SNTG1: variants seen among roughly 807,000 people sequenced by gnomAD.
SNTG1 encodes syntrophin gamma 1.
Under a neutral mutation model 74.7 loss-of-function variants are expected in SNTG1, and 39 were observed. The ratio of observed to expected loss-of-function variants is 0.52; its 90% CI spans 0.40 to 0.68. The LOEUF is 0.68. SNTG1 is among the 30% of genes least tolerant of loss of function. The pLI is 0.00. For synonymous variants in SNTG1, 254 were observed against 217.1 expected (o/e 1.17, Z -1.49); for missense variants, 685 against 609.5 (o/e 1.12, Z -1.30).
In SNTG1 at chr8:50,792,862, C is replaced by G; in HGVS notation, c.*33C>G. 4 of 1,580,766 alleles carry G rather than the reference C, an allele frequency of 2.5e-6. No homozygotes were observed. The highest frequency in any genetic ancestry group is 3.4e-6 in the Non-Finnish European group (4 of 1,162,344). On this transcript the variant is annotated 3_prime_UTR_variant, in exon 19 of 19. Coordinates refer to ENST00000642720, the MANE Select transcript of SNTG1 (RefSeq NM_018967.5). ...AACTCTTCATTGACACACCCCATGA[C>G]TGTATAAGCAGGACACATTTACTCA...
At chr8:50,562,266 G>T (rs1563579222) in intron 12 of SNTG1, among the ~76,000 whole-genome samples, 2 of 152,184 alleles carry the variant, frequency 1.3e-5, no homozygotes, top group African/African-American at 4.8e-5. Flanking sequence ...GAGAATTAAG[G>T]TTACAGATAC....
intron 2 of SNTG1, among the ~76,000 whole-genome samples, chr8:50,254,257 A>G (rs750308447): frequency 9.9e-5 from 15 of 152,230 alleles, no homozygotes; most frequent in Non-Finnish European, 1.9e-4. Flanking sequence ...CTCAAAGACT[A>G]TATTCTCGAT....
At chr8:50,684,739 T>TG (rs2095345032) in intron 15 of SNTG1, among the ~76,000 whole-genome samples, 2 of 141,200 alleles carry the variant, frequency 1.4e-5, no homozygotes, top group African/African-American at 5.2e-5. Context: ...GTTTTTTTTT[T>TG]CTTTTTTTTT....
chr8:50,482,665 G>A (rs753063894), intron 8 of SNTG1, among the ~76,000 whole-genome samples: 2 of 151,960 alleles, frequency 1.3e-5, no homozygotes, highest in African/African-American at 4.8e-5. Context: ...TGAATTCCCC[G>A]TTTCTACACC....
At chr8:50,217,493 G>C (rs2084849828) in intron 2 of SNTG1, among the ~76,000 whole-genome samples, 2 of 152,146 alleles carry the variant, frequency 1.3e-5, no homozygotes, top group East Asian at 3.9e-4. Context: ...GTCATGTAAT[G>C]TTCTTACCTT....
intron 11 of SNTG1, among the ~76,000 whole-genome samples, chr8:50,542,862 T>G (rs1236134580): frequency 1.3e-5 from 2 of 152,224 alleles, no homozygotes; most frequent in Non-Finnish European, 2.9e-5. Context: ...CAATTTTTCA[T>G]ATACCTGTTG....
intron 12 of SNTG1, among the ~76,000 whole-genome samples, chr8:50,581,499 T>C (rs1046931095): frequency 8.5e-5 from 13 of 152,198 alleles, no homozygotes; most frequent in Non-Finnish European, 1.3e-4. Context: ...TATTGTAATA[T>C]AAGAACTTCC....
At chr8:50,782,856 T>C (rs1304887489) in intron 18 of SNTG1, among the ~76,000 whole-genome samples, 2 of 152,270 alleles carry the variant, frequency 1.3e-5, no homozygotes, top group East Asian at 3.9e-4. Context: ...TGGTCTTTGA[T>C]GATGGTGATG....
chr8:50,770,140 C>T (rs972261462), intron 18 of SNTG1, among the ~76,000 whole-genome samples: 8 of 152,036 alleles, frequency 5.3e-5, no homozygotes, highest in African/African-American at 1.9e-4. Context: ...TACTTATGGA[C>T]CATAAACATT....
Position 50,749,786 on chromosome 8 carries a change from G to A in SNTG1, c.1285-2215G>A, listed in dbSNP as rs560883177. Reference sequence around the variant, plus strand: ...GTCCACTATTGACACCCACTGCTTCGAAAAAACAATTCCTTTCAAAATAAT... The same window carrying A: ...GTCCACTATTGACACCCACTGCTTCAAAAAAACAATTCCTTTCAAAATAAT... On this transcript the variant is annotated intron_variant, in intron 17 of 18. Transcript: ENST00000642720. Among the ~76,000 whole-genome samples the A allele has an allele frequency of 3.6e-4, 55 of 151,946 alleles. No individual in the cohort carries two copies. In the South Asian group the frequency reaches 0.01, roughly 29 times the overall value.
chr8:50,491,064 G>A (rs947521480), intron 8 of SNTG1: 2 of 152,916 alleles, frequency 1.3e-5, no homozygotes, highest in Non-Finnish European at 2.9e-5. Context: ...CGACCTCACA[G>A]ATGGAACAGC....
intron 12 of SNTG1, among the ~76,000 whole-genome samples, chr8:50,568,232 TG>T (rs1443211013): frequency 1.3e-5 from 2 of 151,944 alleles, no homozygotes; most frequent in Non-Finnish European, 2.9e-5. Context: ...CATGTTTGTG[TG>T]TGTGTGTGTG....
At chr8:50,591,550 G>T (rs530563242) in intron 13 of SNTG1, among the ~76,000 whole-genome samples, 1 of 152,110 alleles carries the variant, frequency 6.6e-6, no homozygotes, top group South Asian at 2.1e-4. Context: ...TTTGTGTAAG[G>T]GCGACTATCC....
chr8:50,219,219 C>A (rs1163993288), intron 2 of SNTG1, among the ~76,000 whole-genome samples: 2 of 152,084 alleles, frequency 1.3e-5, no homozygotes, highest in Non-Finnish European at 1.5e-5. Context: ...ACTTCTAATG[C>A]CAAAAGACCT....
intron 11 of SNTG1, among the ~76,000 whole-genome samples, chr8:50,544,527 TA>T (rs57851752): frequency 0.011 from 1,660 of 152,164 alleles, 30 homozygotes; most frequent in African/African-American, 0.036. Context: ...CTTTTTGATT[TA>T]AAAAAATGCA....
intron 9 of SNTG1, among the ~76,000 whole-genome samples, chr8:50,514,156 C>T (rs1389160656): frequency 6.6e-6 from 1 of 152,070 alleles, no homozygotes; most frequent in Non-Finnish European, 1.5e-5. Flanking sequence ...TTCAATAAAC[C>T]AACTATTTGC....
At chr8:50,423,646 A>G (rs1290542075) in intron 4 of SNTG1, among the ~76,000 whole-genome samples, 3 of 152,252 alleles carry the variant, frequency 2.0e-5, no homozygotes, top group South Asian at 2.1e-4. Context: ...TTTCAAGCCA[A>G]CTATGAAGAA....
intron 1 of SNTG1, among the ~76,000 whole-genome samples, chr8:50,118,225 C>A (rs1198621755): frequency 6.6e-6 from 1 of 151,904 alleles, no homozygotes; most frequent in Non-Finnish European, 1.5e-5. Flanking sequence ...AGGCTTCAAC[C>A]CAAAGAGTAG....
At chr8:50,581,981 T>A (rs182041602) in intron 12 of SNTG1, among the ~76,000 whole-genome samples, 63 of 152,086 alleles carry the variant, frequency 4.1e-4, no homozygotes, top group African/African-American at 1.3e-3. Flanking sequence ...TTTTAGAGAG[T>A]CCTTGGAAAC....
Sources: allele counts gnomAD v4.1 joint callset (sites outside exome capture counted in the v4.1 genomes callset), GRCh38; gene constraint gnomAD v4.1.1; transcripts MANE v1.5; gene names NCBI Gene and HGNC (gene_info 2026-07-23, HGNC 2026-07-21).